The following GALNT13 variants were observed in gnomAD, a reference collection of about 807,000 sequenced individuals.
The protein encoded by GALNT13 is polypeptide N-acetylgalactosaminyltransferase 13.
Under a neutral mutation model 64.2 loss-of-function variants are expected in GALNT13, and 28 were observed. The observed-to-expected ratio is 0.44, with a 90% CI of 0.32 to 0.60. The LOEUF is 0.60. GALNT13 is among the 20% of genes least tolerant of loss of function. The probability of loss-of-function intolerance (pLI) is 0.05; values close to 1 mark genes in which losing one functional copy is unlikely to be tolerated. For synonymous variants in GALNT13, 214 were observed against 224.6 expected, an observed-to-expected ratio of 0.95 and a Z score of 0.42; for missense variants, 577 against 669.8, an observed-to-expected ratio of 0.86 and a Z score of 1.53.
chr2:153,987,336 C>G (rs1694867602), intron 3 of GALNT13, among the ~76,000 whole-genome samples: 2 of 151,796 alleles, frequency 1.3e-5, no homozygotes, highest in African/African-American at 4.8e-5. Context: ...CCTCATAATT[C>G]ATCTAGGTGG....
chr2:153,839,270 C>T, the GALNT13 span, among the ~76,000 whole-genome samples: 1 of 151,718 alleles, frequency 6.6e-6, no homozygotes, highest in Non-Finnish European at 1.5e-5. Flanking sequence ...TGCTTAATTG[C>T]TCTGGCTAGA....
chr2:153,438,897 T>C, the GALNT13 span, among the ~76,000 whole-genome samples: 3 of 152,206 alleles, frequency 2.0e-5, no homozygotes, highest in African/African-American at 7.2e-5. Flanking sequence ...AGAGGCGCTC[T>C]GATTTTTTGA....
At chr2:153,315,754 A>G in the GALNT13 span, among the ~76,000 whole-genome samples, 2 of 152,336 alleles carry the variant, frequency 1.3e-5, no homozygotes, top group Non-Finnish European at 2.9e-5. Context: ...TTAAGTGCAC[A>G]TTAAGTAGTT....
At chr2:153,411,299 G>A in the GALNT13 span, among the ~76,000 whole-genome samples, 3 of 151,876 alleles carry the variant, frequency 2.0e-5, no homozygotes, top group Non-Finnish European at 2.9e-5. Flanking sequence ...CAGTATAGGG[G>A]ATCCGATAGG....
intron 4 of GALNT13, among the ~76,000 whole-genome samples, chr2:154,225,577 G>C (rs1288104433): frequency 6.6e-6 from 1 of 152,102 alleles, no homozygotes; most frequent in African/African-American, 2.4e-5. Context: ...GTTATCAATA[G>C]ATGACGTAGG....
the GALNT13 span, among the ~76,000 whole-genome samples, chr2:153,593,709 C>T: frequency 1.3e-5 from 2 of 152,230 alleles, no homozygotes; most frequent in South Asian, 4.2e-4. Flanking sequence ...TCTTACAGCA[C>T]AAATTCCTTA....
chr2:153,827,364 C>T, the GALNT13 span, among the ~76,000 whole-genome samples: 1 of 152,230 alleles, frequency 6.6e-6, no homozygotes, highest in African/African-American at 2.4e-5. Context: ...TGGCTCATGC[C>T]TGTAATCCCA....
In GALNT13 at chr2:154,057,476, G is replaced by A. The variant is rs569072311; in HGVS notation, c.143-82861G>A. 7.2e-5 allele frequency among the ~76,000 whole-genome samples: 11 copies of A among 152,172 alleles called. No homozygotes were observed. The East Asian group carries it at 1.9e-3, about 27-fold the overall frequency. On this transcript the variant is annotated intron_variant, in intron 3 of 12. Transcript: ENST00000392825. ...ATTCATTAAATATTTATGTAGTACT[G>A]ACTTTAAGTGCTGGGGAAACTAAGG...
chr2:153,444,329 G>T, the GALNT13 span, among the ~76,000 whole-genome samples: 1 of 152,128 alleles, frequency 6.6e-6, no homozygotes, highest in Non-Finnish European at 1.5e-5. Context: ...AAAACATATA[G>T]TATGTACTCA....
chr2:153,738,343 T>A, the GALNT13 span, among the ~76,000 whole-genome samples: 1 of 152,056 alleles, frequency 6.6e-6, no homozygotes, highest in East Asian at 1.9e-4. Flanking sequence ...AACATGGAAA[T>A]TTGAAAGTTG....
the GALNT13 span, among the ~76,000 whole-genome samples, chr2:153,547,975 TC>T: frequency 1.3e-5 from 2 of 152,214 alleles, no homozygotes; most frequent in Non-Finnish European, 2.9e-5. Flanking sequence ...TTGGCATAGT[TC>T]CTGAAATGTA....
At chr2:153,735,903 C>T in the GALNT13 span, among the ~76,000 whole-genome samples, 2 of 152,176 alleles carry the variant, frequency 1.3e-5, no homozygotes, top group Non-Finnish European at 2.9e-5. Flanking sequence ...ACTCTGATCA[C>T]TGATCACTTG....
the GALNT13 span, among the ~76,000 whole-genome samples, chr2:153,559,146 A>G: frequency 6.6e-6 from 1 of 152,202 alleles, no homozygotes; most frequent in Non-Finnish European, 1.5e-5. Context: ...TATTTTTGTA[A>G]TATAAGCATC....
At chr2:153,885,346 A>G (rs1001744633) in intron 1 of GALNT13, among the ~76,000 whole-genome samples, 1 of 152,028 alleles carries the variant, frequency 6.6e-6, no homozygotes, top group African/African-American at 2.4e-5. Flanking sequence ...GACTTTACCA[A>G]TCAAATCAGA....
At chr2:154,356,546 T>C (rs1021569251) in intron 9 of GALNT13, among the ~76,000 whole-genome samples, 1 of 152,026 alleles carries the variant, frequency 6.6e-6, no homozygotes, top group Non-Finnish European at 1.5e-5. Context: ...CATGAGGTAC[T>C]TTATCATTTA....
chr2:154,390,337 C>G (rs947852769), intron 9 of GALNT13, among the ~76,000 whole-genome samples: 1 of 152,088 alleles, frequency 6.6e-6, no homozygotes, highest in East Asian at 1.9e-4. Flanking sequence ...GGTATTAACC[C>G]TAGTACCCAT....
At chr2:153,364,414 G>T in the GALNT13 span, among the ~76,000 whole-genome samples, 1 of 151,288 alleles carries the variant, frequency 6.6e-6, no homozygotes, top group Non-Finnish European at 1.5e-5. Flanking sequence ...AAAAAAAAAA[G>T]AATTCAGATA....
At chr2:154,424,110 C>CT (rs1336543414) in intron 11 of GALNT13, among the ~76,000 whole-genome samples, 3 of 152,002 alleles carry the variant, frequency 2.0e-5, no homozygotes, top group Non-Finnish European at 2.9e-5. Context: ...CATATGATGA[C>CT]TAAAAATATA....
At chr2:153,456,226 G>A in the GALNT13 span, among the ~76,000 whole-genome samples, 1 of 152,316 alleles carries the variant, frequency 6.6e-6, no homozygotes, top group South Asian at 2.1e-4. Flanking sequence ...CTTGAGGGTG[G>A]AGTTTCTCCA....
Sources: allele counts gnomAD v4.1 joint callset (sites outside exome capture counted in the v4.1 genomes callset), GRCh38; gene constraint gnomAD v4.1.1; transcripts MANE v1.5; gene names NCBI Gene and HGNC (gene_info 2026-07-23, HGNC 2026-07-21).